The following LINGO2 variants were observed in gnomAD, a reference collection of about 807,000 sequenced individuals.
LINGO2 encodes the protein leucine-rich repeat and immunoglobulin-like domain-containing nogo receptor-interacting protein 2.
In LINGO2, 14 loss-of-function variants were observed where a neutral mutation model predicts 30.6. The observed-to-expected ratio is 0.46, with a 90% CI of 0.30 to 0.72. The LOEUF (loss-of-function observed/expected upper bound fraction) is 0.72, where lower values mean the gene tolerates loss of function less well. LINGO2 is among the 30% of genes least tolerant of loss of function. The probability of loss-of-function intolerance (pLI) is 0.07; values close to 1 mark genes in which losing one functional copy is unlikely to be tolerated. For synonymous variants in LINGO2, 317 were observed against 288.5 expected (o/e 1.10, Z -1.00); for missense variants, 729 against 751.7 (o/e 0.97, Z 0.35).
intron 2 of LINGO2, among the ~76,000 whole-genome samples, chr9:28,410,771 C>T (rs535612493): frequency 6.6e-6 from 1 of 152,250 alleles, no homozygotes; most frequent in East Asian, 1.9e-4. Flanking sequence ...TTAGTTTTGA[C>T]AATTTACTCT....
chr9:28,210,766 T>C (rs1820561450), intron 4 of LINGO2, among the ~76,000 whole-genome samples: 1 of 151,480 alleles, frequency 6.6e-6, no homozygotes, highest in East Asian at 1.9e-4. Context: ...ATCATTTCCA[T>C]GAGTATTTTG....
chr9:28,109,936 A>C (rs2133355093), intron 4 of LINGO2, among the ~76,000 whole-genome samples: 1 of 152,336 alleles, frequency 6.6e-6, no homozygotes, highest in Middle Eastern at 3.4e-3. Context: ...CAAATAGCCA[A>C]GACAATTCTA....
intron 1 of LINGO2, among the ~76,000 whole-genome samples, chr9:28,490,233 A>T (rs961215730): frequency 1.3e-5 from 2 of 152,178 alleles, no homozygotes; most frequent in African/African-American, 4.8e-5. Flanking sequence ...GGGAAAGGCA[A>T]GCTTATATTG....
intron 5 of LINGO2, among the ~76,000 whole-genome samples, chr9:27,952,412 A>G (rs1391519670): frequency 6.6e-6 from 1 of 151,984 alleles, no homozygotes; most frequent in African/African-American, 2.4e-5. Flanking sequence ...TAGAACACAC[A>G]TTACAAAGAA....
At chr9:28,514,587 A>G (rs1220610601) in intron 1 of LINGO2, among the ~76,000 whole-genome samples, 1 of 152,200 alleles carries the variant, frequency 6.6e-6, no homozygotes, top group Admixed American at 6.5e-5. Context: ...ACTCTCTTCT[A>G]TTATATCAAG....
chr9:28,742,331 GATATTGCCGAAGT>G, the LINGO2 span, among the ~76,000 whole-genome samples: 1 of 148,548 alleles, frequency 6.7e-6, no homozygotes, highest in Non-Finnish European at 1.5e-5. Context: ...AGTTTCTTTA[GATATTGCCGAAGT>G]ATTTTTGTAT....
intron 3 of LINGO2, among the ~76,000 whole-genome samples, chr9:28,298,570 C>T (rs976438720): frequency 5.3e-5 from 8 of 150,516 alleles, no homozygotes; most frequent in Non-Finnish European, 7.4e-5. Flanking sequence ...GTAATCCCAG[C>T]TACTCGGGAG....
At position 28,623,669 on chromosome 9, in the gene LINGO2, G is replaced by C. The variant is rs112256857; in HGVS notation, c.-365+46531C>G. Among the ~76,000 whole-genome samples the C allele has an allele frequency of 1.8e-3, 277 of 151,914 alleles. 1 individual carries two copies. Among genetic ancestry groups the C allele is most frequent in the African/African-American group, 6.2e-3 (259 of 41,472 alleles). On this transcript the variant is annotated intron_variant, in intron 1 of 5. Transcript: ENST00000379992. ...GTTCTTTTTGCTTAGGATAGCTTTG[G>C]CTATTCTGGGTCTTTTGTGCTTCCA... is the stretch of plus-strand genomic sequence containing the variant.
At chr9:28,502,267 T>C (rs1299117513) in intron 1 of LINGO2, among the ~76,000 whole-genome samples, 2 of 152,066 alleles carry the variant, frequency 1.3e-5, no homozygotes, top group Admixed American at 6.6e-5. Flanking sequence ...CCTTCCTTTC[T>C]GCATATGTGG....
intron 4 of LINGO2, among the ~76,000 whole-genome samples, chr9:28,254,744 C>A (rs4279684): frequency 0.34 from 52,206 of 151,834 alleles, 9,156 homozygotes; most frequent in Middle Eastern, 0.6. Context: ...TTTTAAGCAA[C>A]CAATAGAAAT....
intron 4 of LINGO2, among the ~76,000 whole-genome samples, chr9:28,119,503 T>C (rs1251422710): frequency 6.6e-6 from 1 of 152,184 alleles, no homozygotes; most frequent in Non-Finnish European, 1.5e-5. Flanking sequence ...ATAATAATAA[T>C]ACATAATTCA....
chr9:28,038,705 A>G (rs1174330939), intron 4 of LINGO2, among the ~76,000 whole-genome samples: 1 of 151,804 alleles, frequency 6.6e-6, no homozygotes, highest in Non-Finnish European at 1.5e-5. Flanking sequence ...AAAAAAAAAA[A>G]AAAGCCTTGC....
chr9:28,498,137 C>T (rs370720954), intron 1 of LINGO2, among the ~76,000 whole-genome samples: 2 of 152,158 alleles, frequency 1.3e-5, no homozygotes, highest in Admixed American at 6.5e-5. Flanking sequence ...TCTGACCATT[C>T]TCAGATCTCA....
At chr9:28,057,564 TACATATATATACACATATATGTATATAC>T (rs1254274019) in intron 4 of LINGO2, among the ~76,000 whole-genome samples, 4 of 22,596 alleles carry the variant, frequency 1.8e-4, no homozygotes, top group Non-Finnish European at 5.2e-4. Context: ...TATATATATA[TACATATATATACACATATATGTATATAC>T]ATATATATAC....
chr9:28,040,423 A>G (rs1162421504), intron 4 of LINGO2, among the ~76,000 whole-genome samples: 1 of 148,162 alleles, frequency 6.7e-6, no homozygotes, highest in East Asian at 2.0e-4. Context: ...GACAGCTTGA[A>G]GTTTTTTTTT....
chr9:28,967,563 T>C, the LINGO2 span, among the ~76,000 whole-genome samples: 1 of 152,154 alleles, frequency 6.6e-6, no homozygotes, highest in Non-Finnish European at 1.5e-5. Flanking sequence ...GGGATGATCA[T>C]GTTATTACTG....
intron 3 of LINGO2, among the ~76,000 whole-genome samples, chr9:28,367,734 T>C (rs1820732933): frequency 6.6e-6 from 1 of 152,130 alleles, no homozygotes; most frequent in South Asian, 2.1e-4. Context: ...ATAAAAGTTG[T>C]TATTATAGCA....
At position 28,592,652 on chromosome 9, in the gene LINGO2, C is replaced by T. The variant is rs574702239; in HGVS notation, c.-365+77548G>A. On this transcript the variant is annotated intron_variant, in intron 1 of 5. Coordinates refer to ENST00000379992, the Ensembl canonical transcript of LINGO2. ...ATGTCCATGGTTGAACCAATCAATC[C>T]CTGTGGCCAAAGGTATGGAGGTATG... Among the ~76,000 whole-genome samples, 2 of 152,118 alleles carry T rather than the reference C, an allele frequency of 1.3e-5. 1 individual carries two copies. The highest frequency in any genetic ancestry group is 4.8e-5 in the African/African-American group (2 of 41,522).
At chr9:27,965,210 GC>G (rs1318054291) in intron 5 of LINGO2, among the ~76,000 whole-genome samples, 2 of 151,934 alleles carry the variant, frequency 1.3e-5, no homozygotes, top group African/African-American at 4.8e-5. Flanking sequence ...TGAGTCATTT[GC>G]CTAATGTTAC....
Sources: allele counts gnomAD v4.1 joint callset (sites outside exome capture counted in the v4.1 genomes callset), GRCh38; gene constraint gnomAD v4.1.1; transcripts MANE v1.5; gene names NCBI Gene and HGNC (gene_info 2026-07-23, HGNC 2026-07-21).